The following SHCBP1 variants were observed in gnomAD, a reference collection of about 807,000 sequenced individuals.
The protein encoded by SHCBP1 is SHC binding and spindle associated 1, also known as SHC SH2 domain-binding protein 1.
SHCBP1 carries 60 observed loss-of-function variants against 75.1 expected under a neutral mutation model. The ratio of observed to expected loss-of-function variants is 0.80; its 90% CI spans 0.65 to 0.99. SHCBP1 has a LOEUF of 0.99. Ranked by LOEUF, SHCBP1 falls within the 50% of genes least tolerant of loss-of-function variation. The pLI, the probability that SHCBP1 is intolerant of heterozygous loss-of-function variation, is 0.00. For missense variants in SHCBP1, 709 were observed against 809.4 expected (o/e 0.88, Z 1.50); for synonymous variants, 290 against 293.2 (o/e 0.99, Z 0.11).
At chr16:46,596,561 C>T (rs903870493) in intron 9 of SHCBP1, among the ~76,000 whole-genome samples, 3 of 151,686 alleles carry the variant, frequency 2.0e-5, no homozygotes, top group Non-Finnish European at 4.4e-5. Flanking sequence ...GGATTACAGG[C>T]GCCTGCCACC....
rs1420053072 is a variant in SHCBP1 at position 46,585,018 on chromosome 16, G to A, written c.1465-929C>T. Among the ~76,000 whole-genome samples the A allele has an allele frequency of 3.3e-5, 5 of 152,118 alleles. 1 individual carries two copies. The highest frequency in any genetic ancestry group is 1.5e-5 in the Non-Finnish European group (1 of 68,022). ...ACCAATCTAACTCTTTTGTAGAGAGGATTTTAAAAATGTGCTAATTGTGTC... is the reference window on the plus strand; with the variant it reads ...ACCAATCTAACTCTTTTGTAGAGAGAATTTTAAAAATGTGCTAATTGTGTC... On this transcript the variant is annotated intron_variant, in intron 10 of 12. Transcript: ENST00000303383.
intron 5 of SHCBP1, 49 bp downstream of exon 5, chr16:46,608,248 G>C (rs1400683487): frequency 7.6e-7 from 1 of 1,321,828 alleles, no homozygotes; most frequent in South Asian, 1.2e-5. Flanking sequence ...TTAAACCATG[G>C]GTAACTATTT....
At chr16:46,596,598 A>G (rs1311950853) in intron 9 of SHCBP1, among the ~76,000 whole-genome samples, 4 of 151,682 alleles carry the variant, frequency 2.6e-5, no homozygotes, top group Non-Finnish European at 5.9e-5. Flanking sequence ...TGTATTTTTT[A>G]GTAGAGACAG....
chr16:46,608,989 G>C (rs766269780), intron 4 of SHCBP1, among the ~76,000 whole-genome samples: 8 of 152,148 alleles, frequency 5.3e-5, no homozygotes, highest in Non-Finnish European at 1.2e-4. Flanking sequence ...AACACTGAGA[G>C]AGAAACAGGT....
chr16:46,599,213 C>T lies in SHCBP1; in HGVS notation c.1345+618G>A, dbSNP rs184847031. ...AAACTTCACCAACTGACACAAGAGA[C>T]CTAGGTGTCAGCCTATCTCAGCTTT... On this transcript the variant is annotated intron_variant, in intron 9 of 12. Transcript: ENST00000303383. 6.2e-3 allele frequency among the ~76,000 whole-genome samples: 937 copies of T among 152,312 alleles called. 39 individuals carry two copies. The highest frequency in any genetic ancestry group is 0.057 in the Admixed American group (874 of 15,292).
At chr16:46,597,445 T>C (rs1965161443) in intron 9 of SHCBP1, among the ~76,000 whole-genome samples, 1 of 152,184 alleles carries the variant, frequency 6.6e-6, no homozygotes, top group African/African-American at 2.4e-5. Flanking sequence ...CTAATGAGCA[T>C]ATGAGTTTAT....
intron 12 of SHCBP1, among the ~76,000 whole-genome samples, chr16:46,583,150 A>G (rs1199203853): frequency 6.6e-6 from 1 of 152,120 alleles, no homozygotes; most frequent in Non-Finnish European, 1.5e-5. Flanking sequence ...AGGAGCCACC[A>G]TTGCTGTCAC....
At chr16:46,583,909 A>T (rs1433746200) in intron 11 of SHCBP1, 94 bp downstream of exon 11, 1 of 1,215,268 alleles carries the variant, frequency 8.2e-7, no homozygotes, top group Admixed American at 2.3e-5. Context: ...TGCTTTTCAA[A>T]ACCAGAAAAT....
At position 46,580,124 on chromosome 16, in the gene SHCBP1, CAA is replaced by C. The variant is rs1204641185; in HGVS notation, c.*1603_*1604del. Among the ~76,000 whole-genome samples, 15 of 87,166 alleles carry C rather than the reference CAA, an allele frequency of 1.7e-4. No homozygotes were observed. Among genetic ancestry groups the C allele is most frequent in the African/African-American group, 1.3e-4 (3 of 23,318 alleles). The allele number at this position is 87,166 out of a possible 152,430, so 57.2% of individuals were successfully genotyped here. ...TGGGTGACAGAGCAAGACTCCATCT[CAA>C]AAAAAAAAAAAAAGTGATTTTTTTT... On this transcript the variant is annotated 3_prime_UTR_variant, in exon 13 of 13. Coordinates refer to ENST00000303383, the MANE Select transcript of SHCBP1 (RefSeq NM_024745.5).
At chr16:46,582,384 C>T (rs1467137825) in intron 12 of SHCBP1, among the ~76,000 whole-genome samples, 1 of 152,242 alleles carries the variant, frequency 6.6e-6, no homozygotes. Context: ...TCCCCACCCC[C>T]TGGTATTACT....
intron 10 of SHCBP1, among the ~76,000 whole-genome samples, chr16:46,590,291 G>T (rs1965023380): frequency 6.6e-6 from 1 of 152,152 alleles, no homozygotes; most frequent in Admixed American, 6.5e-5. Context: ...AAAAGCAATG[G>T]CAACAAAAGC....
intron 10 of SHCBP1, among the ~76,000 whole-genome samples, chr16:46,591,183 G>A (rs992228883): frequency 1.3e-5 from 2 of 152,126 alleles, no homozygotes; most frequent in Non-Finnish European, 2.9e-5. Context: ...GAGGGGAGCG[G>A]GGAGGGATAG....
rs1256589502 is a variant in SHCBP1 at position 46,580,935 on chromosome 16, G to C, written c.*794C>G. Reference sequence around the variant, plus strand: ...TTTTTTTAAATTTATTTTTAGTAGAGACAGGGTCTCACTATGTTGCCTAGG... The same window carrying C: ...TTTTTTTAAATTTATTTTTAGTAGACACAGGGTCTCACTATGTTGCCTAGG... On this transcript the variant is annotated 3_prime_UTR_variant, in exon 13 of 13. Transcript: ENST00000303383. 6.6e-6 allele frequency: 1 copy of C among 151,744 alleles called. No homozygotes were observed. The allele number at this position is 151,744 out of a possible 1,614,324, so 9.4% of individuals were successfully genotyped here. A position where few individuals can be genotyped will look rare whatever the true frequency, so the allele number is the denominator to read the frequency against.
intron 10 of SHCBP1, among the ~76,000 whole-genome samples, chr16:46,595,158 ATTC>A (rs1203864200): frequency 6.6e-6 from 1 of 152,176 alleles, no homozygotes; most frequent in East Asian, 1.9e-4. Flanking sequence ...TGATGGGAAT[ATTC>A]TTCTACTGAC....
Position 46,603,979 on chromosome 16 carries a change from A to C in SHCBP1, c.1088T>G (p.Ile363Ser). The C allele has an allele frequency of 6.2e-7, 1 of 1,604,306 alleles. No individual in the cohort carries two copies. The highest frequency in any genetic ancestry group is 8.5e-7 in the Non-Finnish European group (1 of 1,177,660). Residue 363 changes from isoleucine to serine, a missense_variant, in exon 7 of 13, where the codon ATT (isoleucine) becomes AGT (serine). Coordinates refer to ENST00000303383, the MANE Select transcript of SHCBP1 (RefSeq NM_024745.5). ...AGTGAGAAACTCTCCGTTTACCTGA[A>C]TTTCTCTTTCTTCCTCACCAGGCTC... ...CQEPGEEERE[I>S]QFHSDPLSAI...
At chr16:46,603,425 C>T (rs2143000467) in intron 8 of SHCBP1, 114 bp downstream of exon 8, 2 of 1,458,992 alleles carry the variant, frequency 1.4e-6, no homozygotes, top group Admixed American at 3.8e-5. Flanking sequence ...AGGCAGCTCA[C>T]TAGAAATCAA....
chr16:46,610,813 C>T (rs1965404192), intron 4 of SHCBP1, among the ~76,000 whole-genome samples: 1 of 151,832 alleles, frequency 6.6e-6, no homozygotes, highest in African/African-American at 2.4e-5. Context: ...CCCACCTTGG[C>T]CTCCCAGAGT....
intron 8 of SHCBP1, among the ~76,000 whole-genome samples, chr16:46,600,844 C>T (rs568311614): frequency 4.6e-4 from 70 of 151,784 alleles, no homozygotes; most frequent in Non-Finnish European, 9.4e-4. Flanking sequence ...GAAATCCTGC[C>T]TCTACTAAAA....
intron 8 of SHCBP1, among the ~76,000 whole-genome samples, chr16:46,602,865 A>C (rs1965263079): frequency 6.6e-6 from 1 of 152,222 alleles, no homozygotes; most frequent in South Asian, 2.1e-4. Context: ...TCCTGGCCTC[A>C]AGTGATCTGC....
Sources: gnomAD v4.1 joint callset for allele counts (sites outside exome capture counted in the v4.1 genomes callset) on GRCh38, gnomAD v4.1.1 for gene constraint, MANE v1.5 for transcripts, NCBI Gene and HGNC (gene_info 2026-07-23, HGNC 2026-07-21) for gene names.